The following CHD2 variants were observed in gnomAD, a reference collection of about 807,000 sequenced individuals.
CHD2 encodes chromodomain helicase DNA binding protein 2.
Under a neutral mutation model 243.9 loss-of-function variants are expected in CHD2, and 28 were observed. The ratio of observed to expected loss-of-function variants is 0.11; its 90% CI spans 0.09 to 0.16. The LOEUF (loss-of-function observed/expected upper bound fraction) is 0.16. Ranked by LOEUF, CHD2 falls within the 10% of genes least tolerant of loss-of-function variation. The pLI is 1.00. For missense variants in CHD2, 1,386 were observed against 2,209.8 expected, an observed-to-expected ratio of 0.63 and a Z score of 7.47; for synonymous variants, 775 against 779.0, an observed-to-expected ratio of 0.99 and a Z score of 0.09.
chr15:93,019,975 T>C, intron 37 of CHD2, 37 bp from the exon 38 acceptor site: 1 of 1,577,732 alleles, frequency 6.3e-7, no homozygotes, highest in Non-Finnish European at 8.6e-7. Context: ...TTCATCCATT[T>C]CTTGCAGTCA....
intron 1 of CHD2, 104 bp from the exon 2 acceptor site, chr15:92,901,063 T>G (rs1057286394): frequency 1.6e-6 from 1 of 631,846 alleles, no homozygotes; most frequent in Non-Finnish European, 2.8e-6. Context: ...GTGCTTACCG[T>G]TGTTGTGTTA....
At chr15:93,009,735 A>T (rs7350766) in intron 35 of CHD2, among the ~76,000 whole-genome samples, 10,291 of 152,304 alleles carry the variant, frequency 0.068, 488 homozygotes, top group South Asian at 0.12. Context: ...ATGGTGACAC[A>T]AAGATTAAAA....
chr15:92,990,787 A>T (rs1227279624), intron 26 of CHD2, among the ~76,000 whole-genome samples: 1 of 152,132 alleles, frequency 6.6e-6, no homozygotes, highest in African/African-American at 2.4e-5. Context: ...TTAATGTGTC[A>T]TGAAGTCCTG....
Position 92,900,361 on chromosome 15 carries a change from T to TAG in CHD2, c.-528_-527dup. On this transcript the variant is annotated 5_prime_UTR_variant, in exon 1 of 39. Coordinates refer to ENST00000394196, the MANE Select transcript of CHD2 (RefSeq NM_001271.4). ...GAGGCTCTAGATGGCGGCTGTGCCT[T>TAG]AGAGAGAGCGCGCTCTGCTCCCTGC... is the stretch of plus-strand genomic sequence containing the variant. 1 of 389,764 alleles carries TAG rather than the reference T, an allele frequency of 2.6e-6. No individual in the cohort carries two copies. Among genetic ancestry groups the TAG allele is most frequent in the Non-Finnish European group, 4.5e-6 (1 of 221,206 alleles). 24.1% of individuals were successfully genotyped at this position (389,764 alleles called of 1,614,324 possible). A position where few individuals can be genotyped will look rare whatever the true frequency, so the allele number is the denominator to read the frequency against.
chr15:93,016,606 A>G (rs563162120), intron 37 of CHD2, among the ~76,000 whole-genome samples: 1 of 152,206 alleles, frequency 6.6e-6, no homozygotes, highest in South Asian at 2.1e-4. Context: ...AGTCTGGGCA[A>G]CATAGACTCA....
intron 33 of CHD2, among the ~76,000 whole-genome samples, chr15:93,004,123 C>CAAAA (rs982331625): frequency 1.4e-5 from 1 of 73,516 alleles, no homozygotes; most frequent in African/African-American, 4.7e-5. Flanking sequence ...GAATCTGTCT[C>CAAAA]AAAAAAAAAA....
Position 92,972,148 on chromosome 15 carries a change from G to T in CHD2, c.2353-117G>T, listed in dbSNP as rs568678799. 12 of 1,171,034 alleles carry T rather than the reference G, an allele frequency of 1.0e-5. No homozygotes were observed. The African/African-American group carries it at 1.7e-4, about 17-fold the overall frequency. 72.5% of individuals were successfully genotyped at this position (1,171,034 alleles called of 1,614,324 possible). A position where few individuals can be genotyped will look rare whatever the true frequency, so the allele number is the denominator to read the frequency against. On this transcript the variant is annotated intron_variant, in intron 18 of 38. Coordinates refer to ENST00000394196, the MANE Select transcript of CHD2 (RefSeq NM_001271.4). ...ATTTCGGGAATTGCTGGTCAAGCAG[G>T]TTGCTAAGGGCTTCAGAAAGCTTTA...
chr15:92,944,232 GTGTT>G, intron 9 of CHD2, 179 bp from the exon 10 acceptor site: 2 of 448,876 alleles, frequency 4.5e-6, no homozygotes, highest in Non-Finnish European at 8.1e-6. Flanking sequence ...TTCTCTAAAA[GTGTT>G]TTTTTTGTTT....
At chr15:92,972,175 G>A in intron 18 of CHD2, 90 bp from the exon 19 acceptor site, 6 of 1,410,992 alleles carry the variant, frequency 4.3e-6, no homozygotes, top group Non-Finnish European at 5.8e-6. Context: ...AAAGCTTTAA[G>A]ATGATTTTTA....
chr15:92,997,542 T>C lies in CHD2; in HGVS notation c.3885+139T>C. ...GTCATTCTTGGAAATACTTCCATCT[T>C]TAGCAGATTGTGGCACTGTTTCACG... On this transcript the variant is annotated intron_variant, in intron 30 of 38. Coordinates refer to ENST00000394196, the MANE Select transcript of CHD2 (RefSeq NM_001271.4). The surrounding 1 kb of genome is among the most constrained non-coding windows in gnomAD (Gnocchi z 4.1). 1 of 763,272 alleles carries C rather than the reference T, an allele frequency of 1.3e-6. No homozygotes were observed. The highest frequency in any genetic ancestry group is 2.5e-5 in the South Asian group (1 of 39,274). The allele number at this position is 763,272 out of a possible 1,614,324, so 47.3% of individuals were successfully genotyped here.
intron 2 of CHD2, among the ~76,000 whole-genome samples, chr15:92,903,596 T>G: frequency 6.6e-6 from 1 of 150,732 alleles, no homozygotes; most frequent in East Asian, 1.9e-4. Flanking sequence ...TTAAAAACAT[T>G]TGATTGATAT....
intron 2 of CHD2, among the ~76,000 whole-genome samples, chr15:92,908,583 A>G (rs2052666400): frequency 6.6e-6 from 1 of 152,124 alleles, no homozygotes; most frequent in African/African-American, 2.4e-5. Context: ...GTGTTTCTGT[A>G]TGTTTGCAGT....
intron 35 of CHD2, among the ~76,000 whole-genome samples, chr15:93,010,956 T>C (rs559080684): frequency 3.9e-5 from 6 of 152,358 alleles, no homozygotes; most frequent in Admixed American, 3.9e-4. Flanking sequence ...AACTTCTGCA[T>C]GATGGTGTCC....
chr15:92,937,890 G>C (rs1312090467), intron 6 of CHD2, among the ~76,000 whole-genome samples: 1 of 152,126 alleles, frequency 6.6e-6, no homozygotes, highest in Non-Finnish European at 1.5e-5. Context: ...TCTCTTTTTG[G>C]GAGAACAAAT....
At chr15:92,974,807 C>T in intron 19 of CHD2, 72 bp from the exon 20 acceptor site, 1 of 1,400,714 alleles carries the variant, frequency 7.1e-7, no homozygotes, top group Non-Finnish European at 1.0e-6. Context: ...ATAAAGGTTC[C>T]AAGTCTGCTG....
intron 2 of CHD2, 104 bp downstream of exon 2, chr15:92,901,403 G>T: frequency 1.4e-6 from 1 of 726,572 alleles, no homozygotes; most frequent in Non-Finnish European, 2.4e-6. Context: ...CTGTTTTATT[G>T]TGTTTTTCTA....
chr15:92,933,715 C>T lies in CHD2; in HGVS notation c.444-3803C>T, dbSNP rs148010060. Among the ~76,000 whole-genome samples the T allele has an allele frequency of 3.1e-3, 470 of 152,282 alleles. 1 individual carries two copies. Among genetic ancestry groups the T allele is most frequent in the African/African-American group, 0.011 (440 of 41,552 alleles). On this transcript the variant is annotated intron_variant, in intron 5 of 38. Coordinates refer to ENST00000394196, the MANE Select transcript of CHD2 (RefSeq NM_001271.4). Reference sequence around the variant, plus strand: ...TGACCTCCTGGGCTCAAGTGATTCTCCCACCTTAGCCTCCTGAGTAGTTGG... The same window carrying T: ...TGACCTCCTGGGCTCAAGTGATTCTTCCACCTTAGCCTCCTGAGTAGTTGG...
intron 31 of CHD2, among the ~76,000 whole-genome samples, chr15:92,999,223 CT>C (rs1200922951): frequency 6.6e-6 from 1 of 151,678 alleles, no homozygotes; most frequent in African/African-American, 2.4e-5. Context: ...TCCACACATA[CT>C]GTTACTGTTT....
In CHD2 at chr15:92,985,526, C is replaced by G. The variant is rs2054031319; in HGVS notation, c.3266C>G (p.Thr1089Ser). 1 of 1,613,784 alleles carries G rather than the reference C, an allele frequency of 6.2e-7. No individual in the cohort carries two copies. Among genetic ancestry groups the G allele is most frequent in the Non-Finnish European group, 8.5e-7 (1 of 1,179,892 alleles). The change falls in exon 26 of 39, where the codon ACT becomes AGT. Residue 1089 changes from threonine (T) to serine (S), a missense_variant. Thr to Ser is a moderately conservative substitution (Grantham distance 58). Coordinates refer to ENST00000394196, the MANE Select transcript of CHD2 (RefSeq NM_001271.4). ...CAGACAAATGACAGTGACTCTGACA[C>G]TGAGTCTAAGAGGCAGGCCCAGAGA... Reference protein sequence around the residue: ...KAQTNDSDSDTESKRQAQRSS... With the variant: ...KAQTNDSDSDSESKRQAQRSS...
Sources: gnomAD v4.1 joint callset for allele counts (sites outside exome capture counted in the v4.1 genomes callset) on GRCh38, gnomAD v4.1.1 for gene constraint, Gnocchi (gnomAD v3.1) non-coding constraint, MANE v1.5 for transcripts, NCBI Gene and HGNC (gene_info 2026-07-23, HGNC 2026-07-21) for gene names.